The following PATJ variants were observed in gnomAD, a reference collection of about 807,000 sequenced individuals.
PATJ encodes the protein PATJ crumbs cell polarity complex component.
In PATJ, 190 loss-of-function variants were observed where a neutral mutation model predicts 224.9. The ratio of observed to expected loss-of-function variants is 0.84; its 90% CI spans 0.75 to 0.95. PATJ has a LOEUF of 0.95. PATJ is among the 40% of genes least tolerant of loss of function. The pLI is 0.00. For missense variants in PATJ, 2,121 were observed against 2,270.3 expected (o/e 0.93, Z 1.34); for synonymous variants, 769 against 820.3 (o/e 0.94, Z 1.07).
In PATJ at chr1:61,758,797, G is replaced by A. The variant is rs115089714; in HGVS notation, c.-35-4061G>A. ...TGTTGTTGTTTTTTAAAGAGTCAGT[G>A]TCTCACAGGCTGGAGTACAGTGGCA... On this transcript the variant is annotated intron_variant, in intron 1 of 43. Transcript: ENST00000642238. 3.5e-3 allele frequency among the ~76,000 whole-genome samples: 533 copies of A among 152,202 alleles called. 2 individuals are homozygous for A. Among genetic ancestry groups the A allele is most frequent in the African/African-American group, 0.011 (476 of 41,528 alleles).
intron 26 of PATJ, among the ~76,000 whole-genome samples, chr1:61,919,552 A>G (rs891484417): frequency 1.3e-5 from 2 of 151,912 alleles, no homozygotes; most frequent in East Asian, 1.9e-4. Flanking sequence ...CAATCTGCCT[A>G]CCTCAGCCTC....
Position 61,833,784 on chromosome 1 carries a change from A to T in PATJ, c.2111A>T (p.Gln704Leu). 6.2e-7 allele frequency: 1 copy of T among 1,612,758 alleles called. No individual in the cohort carries two copies. Among genetic ancestry groups the T allele is most frequent in the Non-Finnish European group, 8.5e-7 (1 of 1,179,246 alleles). The change falls in exon 17 of 44, where the codon CAG becomes CTG. Residue 704 changes from glutamine (Q) to leucine (L), a missense_variant and splice_region_variant. Physicochemically the swap from Gln to Leu is moderately radical, Grantham distance 113 (BLOSUM62 -2). Transcript: ENST00000642238. ...KGLGFSILDY[Q>L]DPLDPTRSVI... is the part of the protein sequence containing the mutation. ...TTGGGATTCAGCATTTTGGATTACC[A>T]GGTATAAGAACCTGTGTAGAGGTGT...
intron 17 of PATJ, among the ~76,000 whole-genome samples, chr1:61,852,272 A>G (rs1014008045): frequency 6.6e-6 from 1 of 152,204 alleles, no homozygotes; most frequent in African/African-American, 2.4e-5. Context: ...AATGGCTCCC[A>G]TAGTACATGT....
rs747595265 is a variant in PATJ at position 61,884,284 on chromosome 1, C to T, written c.3007C>T (p.Pro1003Ser). 3 of 1,613,500 alleles carry T rather than the reference C, an allele frequency of 1.9e-6. No homozygotes were observed. ...AGGTCCTAGCTTGCTCATTGACCTTCCTGTTGTGGCTCAAAGGAGGGAGCA... is the reference window on the plus strand; with the variant it reads ...AGGTCCTAGCTTGCTCATTGACCTTTCTGTTGTGGCTCAAAGGAGGGAGCA... ...VQGPSLLIDL[P>S]VVAQRREQED... Residue 1003 changes from proline to serine, a missense_variant, in exon 22 of 44, where the codon CCT (proline) becomes TCT (serine). By Grantham distance (74) the Pro-to-Ser change is moderately conservative (BLOSUM62 -1). Coordinates refer to ENST00000642238, the MANE Select transcript of PATJ (RefSeq NM_001350145.3).
chr1:61,942,007 T>G (rs1171352138), intron 27 of PATJ, among the ~76,000 whole-genome samples: 1 of 152,236 alleles, frequency 6.6e-6, no homozygotes, highest in Non-Finnish European at 1.5e-5. Context: ...GTCACCAGAT[T>G]ATTGATCTTG....
At chr1:61,817,997 C>T (rs568572063) in intron 14 of PATJ, among the ~76,000 whole-genome samples, 1 of 152,222 alleles carries the variant, frequency 6.6e-6, no homozygotes, top group Non-Finnish European at 1.5e-5. Context: ...ATCCCACCGA[C>T]ACCTTTTTGA....
chr1:62,106,079 T>TAA, intron 33 of PATJ, among the ~76,000 whole-genome samples: 1 of 20,770 alleles, frequency 4.8e-5, no homozygotes, highest in Non-Finnish European at 9.1e-5. Context: ...TATATATATA[T>TAA]ACACACACAC....
At chr1:61,757,828 T>C (rs1405814026) in intron 1 of PATJ, among the ~76,000 whole-genome samples, 1 of 152,116 alleles carries the variant, frequency 6.6e-6, no homozygotes, top group Non-Finnish European at 1.5e-5. Context: ...CTAAATCTCT[T>C]TTTTTTGATA....
At chr1:61,996,653 G>A (rs72677908) in intron 28 of PATJ, among the ~76,000 whole-genome samples, 2,144 of 151,616 alleles carry the variant, frequency 0.014, 19 homozygotes, top group Non-Finnish European at 0.021. Flanking sequence ...TGAGGAACAG[G>A]AAGAAGAACA....
intron 30 of PATJ, chr1:62,038,791 A>G: frequency 1.8e-6 from 1 of 551,180 alleles, no homozygotes; most frequent in Non-Finnish European, 3.4e-6. Flanking sequence ...CATTATTTTT[A>G]TTCTTTCAAC....
intron 33 of PATJ, among the ~76,000 whole-genome samples, chr1:62,098,357 T>C (rs1661649712): frequency 1.2e-5 from 1 of 85,950 alleles, no homozygotes; most frequent in Non-Finnish European, 2.2e-5. Flanking sequence ...AGACTCCATC[T>C]CAAAAAAAAA....
intron 29 of PATJ, among the ~76,000 whole-genome samples, chr1:62,021,549 A>G (rs1647082971): frequency 6.6e-6 from 1 of 151,938 alleles, no homozygotes; most frequent in African/African-American, 2.4e-5. Flanking sequence ...AAAATCAACA[A>G]TTATAGTAAG....
intron 20 of PATJ, among the ~76,000 whole-genome samples, chr1:61,867,573 A>ATTTTT (rs59246792): frequency 2.1e-5 from 3 of 145,352 alleles, no homozygotes; most frequent in Non-Finnish European, 3.0e-5. Flanking sequence ...AATCTGTAAA[A>ATTTTT]TTTTTTTTTT....
intron 14 of PATJ, among the ~76,000 whole-genome samples, chr1:61,813,378 T>TATATATATATAC (rs1376176032): frequency 4.3e-5 from 2 of 46,368 alleles, no homozygotes; most frequent in Non-Finnish European, 8.9e-5. Flanking sequence ...TATATATATA[T>TATATATATATAC]ACACACACAC....
At chr1:61,909,515 T>C (rs1672312067) in intron 25 of PATJ, among the ~76,000 whole-genome samples, 1 of 151,970 alleles carries the variant, frequency 6.6e-6, no homozygotes, top group Non-Finnish European at 1.5e-5. Flanking sequence ...TTCTGTCACT[T>C]AGCCTAGAGT....
chr1:62,049,447 A>G (rs1653184668), intron 30 of PATJ, among the ~76,000 whole-genome samples: 1 of 152,180 alleles, frequency 6.6e-6, no homozygotes, highest in Admixed American at 6.5e-5. Context: ...TCAAATTATG[A>G]GTGAGATTGA....
At chr1:62,084,221 T>G (rs1659653297) in intron 32 of PATJ, among the ~76,000 whole-genome samples, 1 of 152,066 alleles carries the variant, frequency 6.6e-6, no homozygotes, top group East Asian at 1.9e-4. Context: ...ACCATTGCAT[T>G]CCAGCCTGGG....
chr1:62,112,631 A>G (rs550211514), intron 34 of PATJ, among the ~76,000 whole-genome samples: 39 of 152,322 alleles, frequency 2.6e-4, no homozygotes, highest in African/African-American at 8.9e-4. Flanking sequence ...TGGAACTGAC[A>G]TCTTGGGGGA....
intron 24 of PATJ, among the ~76,000 whole-genome samples, chr1:61,902,571 C>T (rs933220294): frequency 6.6e-6 from 1 of 152,030 alleles, no homozygotes; most frequent in African/African-American, 2.4e-5. Context: ...AATTAAGGAA[C>T]TACATAAAAG....
Sources: allele counts gnomAD v4.1 joint callset (sites outside exome capture counted in the v4.1 genomes callset), GRCh38; gene constraint gnomAD v4.1.1; transcripts MANE v1.5; gene names NCBI Gene and HGNC (gene_info 2026-07-23, HGNC 2026-07-21).